SCFD1: variants seen among roughly 807,000 people sequenced by gnomAD.
SCFD1 encodes the protein sec1 family domain containing 1.
In SCFD1, 37 loss-of-function variants were observed where a neutral mutation model predicts 103.2. That is an observed-to-expected ratio of 0.36 (90% CI 0.28 to 0.47). SCFD1 has a LOEUF of 0.47. Ranked by LOEUF, SCFD1 falls within the 20% of genes least tolerant of loss-of-function variation. The pLI, the probability that SCFD1 is intolerant of heterozygous loss-of-function variation, is 1.00. For synonymous variants in SCFD1, 264 were observed against 245.0 expected (o/e 1.08, Z -0.73); for missense variants, 639 against 761.2 (o/e 0.84, Z 1.89).
chr14:30,624,540 C>T (rs752806596), intron 1 of SCFD1, among the ~76,000 whole-genome samples: 2 of 152,190 alleles, frequency 1.3e-5, no homozygotes, highest in Non-Finnish European at 2.9e-5. Flanking sequence ...GTCAGTTCTA[C>T]TCTGAAAATA....
chr14:30,628,166 C>T, intron 1 of SCFD1, 43 bp from the exon 2 acceptor site: 2 of 1,450,992 alleles, frequency 1.4e-6, no homozygotes, highest in Admixed American at 1.8e-5. Flanking sequence ...AAATAAAATC[C>T]TAAAAAACAA....
At chr14:30,730,873 T>C (rs1893409885) in intron 23 of SCFD1, among the ~76,000 whole-genome samples, 1 of 152,188 alleles carries the variant, frequency 6.6e-6, no homozygotes, top group African/African-American at 2.4e-5. Flanking sequence ...CATTTGTCAA[T>C]TTTGGCTTTT....
intron 20 of SCFD1, among the ~76,000 whole-genome samples, chr14:30,717,286 GGCCAT>G (rs1892341176): frequency 1.3e-5 from 2 of 152,142 alleles, no homozygotes; most frequent in African/African-American, 4.8e-5. Flanking sequence ...GACCAGCCTA[GGCCAT>G]GTGGTGAAAC....
At chr14:30,729,938 C>T (rs571981963) in intron 23 of SCFD1, among the ~76,000 whole-genome samples, 2 of 151,944 alleles carry the variant, frequency 1.3e-5, no homozygotes, top group African/African-American at 4.8e-5. Flanking sequence ...ATAAATGTGC[C>T]ATGTTGGTGT....
Position 30,708,043 on chromosome 14 carries a change from A to C in SCFD1, c.1607A>C (p.Lys536Thr). ...TGSQFVMEGV[K>T]NLVLKQQNLP... ...TCACAGTTTGTGATGGAAGGAGTGA[A>C]GAACCTGGTTTTGAAACAGCAAGTA... is the stretch of plus-strand genomic sequence containing the variant. The change falls in exon 19 of 25, where the codon AAG (lysine) becomes ACG (threonine). Residue 536 changes from lysine (K) to threonine (T), a missense_variant. Transcript: ENST00000458591. 6.2e-7 allele frequency: 1 copy of C among 1,612,908 alleles called. No homozygotes were observed. The highest frequency in any genetic ancestry group is 8.5e-7 in the Non-Finnish European group (1 of 1,178,984).
At chr14:30,683,134 G>T in intron 14 of SCFD1, 1 of 1,159,394 alleles carries the variant, frequency 8.6e-7, no homozygotes, top group Non-Finnish European at 1.3e-6. Context: ...TTGGCAGCAT[G>T]TGTGTTCAAG....
At chr14:30,723,595 G>A (rs1244018271) in intron 23 of SCFD1, among the ~76,000 whole-genome samples, 1 of 152,092 alleles carries the variant, frequency 6.6e-6, no homozygotes, top group Admixed American at 6.6e-5. Context: ...CCCCTCTGAT[G>A]TGTCCATGTG....
rs1231769719 is a variant in SCFD1 at position 30,700,687 on chromosome 14, G to GA, written c.1410+437dup. ...ATACTCCATCTCAAATAAAATAAAA[G>GA]AAAAAAAAGAAAAACAATTTGTTAA... On this transcript the variant is annotated intron_variant, in intron 16 of 24. Transcript: ENST00000458591. 2.6e-5 allele frequency among the ~76,000 whole-genome samples: 4 copies of GA among 151,464 alleles called. No individual in the cohort carries two copies. The East Asian group carries it at 7.8e-4, about 29-fold the overall frequency.
chr14:30,722,103 C>T (rs990161972), intron 22 of SCFD1, among the ~76,000 whole-genome samples, 186 bp downstream of exon 22: 23 of 152,030 alleles, frequency 1.5e-4, no homozygotes, highest in Non-Finnish European at 2.9e-4. Context: ...AAATAACGGA[C>T]AATTCACAGG....
intron 14 of SCFD1, 124 bp from the exon 15 acceptor site, chr14:30,694,649 T>G (rs1049101685): frequency 3.5e-5 from 47 of 1,328,298 alleles, no homozygotes; most frequent in Non-Finnish European, 4.4e-5. Flanking sequence ...GAACTGTACT[T>G]TTGACCTGTC....
intron 12 of SCFD1, among the ~76,000 whole-genome samples, 171 bp downstream of exon 12, chr14:30,673,518 GA>G (rs1302552529): frequency 6.6e-6 from 1 of 152,004 alleles, no homozygotes; most frequent in Non-Finnish European, 1.5e-5. Context: ...ATTGAGAAGA[GA>G]AAAAATAATA....
chr14:30,733,752 C>T (rs1893644149), intron 23 of SCFD1, among the ~76,000 whole-genome samples: 1 of 152,142 alleles, frequency 6.6e-6, no homozygotes, highest in East Asian at 1.9e-4. Context: ...CTGTCATGTT[C>T]CCTTGGTTTC....
intron 23 of SCFD1, among the ~76,000 whole-genome samples, chr14:30,724,793 G>A (rs758891449): frequency 7.2e-5 from 11 of 152,108 alleles, no homozygotes; most frequent in Non-Finnish European, 1.0e-4. Flanking sequence ...TGCCTAGGTT[G>A]TCTTCCAGGG....
intron 19 of SCFD1, among the ~76,000 whole-genome samples, chr14:30,713,556 C>G (rs1351015932): frequency 6.6e-6 from 1 of 152,002 alleles, no homozygotes; most frequent in African/African-American, 2.4e-5. Context: ...TTAATTGTAT[C>G]CTTAGGAAAA....
chr14:30,732,380 A>G (rs906177811), intron 23 of SCFD1, among the ~76,000 whole-genome samples: 1 of 152,228 alleles, frequency 6.6e-6, no homozygotes, highest in Non-Finnish European at 1.5e-5. Flanking sequence ...CGGGCAAAGC[A>G]TCTAGTCTTT....
At chr14:30,678,440 G>A (rs1328123744) in intron 14 of SCFD1, among the ~76,000 whole-genome samples, 1 of 152,188 alleles carries the variant, frequency 6.6e-6, no homozygotes, top group Non-Finnish European at 1.5e-5. Flanking sequence ...CTAATAAAGA[G>A]TAAATTGTTG....
At chr14:30,669,918 GATGAAAAAAGATATAAC>G (rs1176696859) in intron 10 of SCFD1, 2 of 179,804 alleles carry the variant, frequency 1.1e-5, no homozygotes, top group Non-Finnish European at 2.3e-5. Flanking sequence ...TGTATTATTA[GATGAAAAAAGATATAAC>G]ATGTACCCTG....
chr14:30,636,931 C>T (rs1343394369), intron 4 of SCFD1, among the ~76,000 whole-genome samples: 1 of 152,004 alleles, frequency 6.6e-6, no homozygotes, highest in Non-Finnish European at 1.5e-5. Flanking sequence ...CATTCTTTGA[C>T]CACTTCCTTA....
At chr14:30,721,629 A>C in intron 21 of SCFD1, 1 of 411,214 alleles carries the variant, frequency 2.4e-6, no homozygotes. Context: ...GTCATCTAGA[A>C]TTTTATTTTA....
Sources: gnomAD v4.1 joint callset for allele counts (sites outside exome capture counted in the v4.1 genomes callset) on GRCh38, gnomAD v4.1.1 for gene constraint, MANE v1.5 for transcripts, NCBI Gene and HGNC (gene_info 2026-07-23, HGNC 2026-07-21) for gene names.